The following RBMS3 variants were observed in gnomAD, a reference collection of about 807,000 sequenced individuals.
The protein encoded by RBMS3 is RNA binding motif single stranded interacting protein 3, also known as RNA-binding motif, single-stranded-interacting protein 3.
RBMS3 carries 27 observed loss-of-function variants against 66.8 expected under a neutral mutation model. That is an observed-to-expected ratio of 0.40 (90% confidence interval 0.30 to 0.56). The LOEUF is 0.56. RBMS3 is among the 20% of genes least tolerant of loss of function. The pLI is 0.40. For synonymous variants in RBMS3, 188 were observed against 183.0 expected, an observed-to-expected ratio of 1.03 and a Z score of -0.22; for missense variants, 513 against 549.5, an observed-to-expected ratio of 0.93 and a Z score of 0.66.
At chr3:29,776,011 ATAATT>A (rs992113102) in intron 6 of RBMS3, among the ~76,000 whole-genome samples, 16 of 152,020 alleles carry the variant, frequency 1.1e-4, no homozygotes, top group African/African-American at 3.9e-4. Context: ...AATAGATAAA[ATAATT>A]TAAGATAAAA....
At chr3:29,825,185 A>T (rs1231694322) in intron 6 of RBMS3, among the ~76,000 whole-genome samples, 1 of 151,594 alleles carries the variant, frequency 6.6e-6, no homozygotes, top group Non-Finnish European at 1.5e-5. Flanking sequence ...ACATGCACCC[A>T]CCACCACACC....
intron 13 of RBMS3, among the ~76,000 whole-genome samples, chr3:29,989,549 T>A (rs962636855): frequency 1.2e-4 from 19 of 152,178 alleles, no homozygotes; most frequent in African/African-American, 4.6e-4. Flanking sequence ...TCTCTGAGAT[T>A]GAGGGAAACC....
chr3:29,809,349 A>G (rs2057657373), intron 6 of RBMS3, among the ~76,000 whole-genome samples: 1 of 151,474 alleles, frequency 6.6e-6, no homozygotes. Context: ...AAAAAAAAAA[A>G]AAGATCCTGT....
intron 1 of RBMS3, among the ~76,000 whole-genome samples, chr3:29,320,396 G>A (rs2034935854): frequency 6.6e-6 from 1 of 151,894 alleles, no homozygotes; most frequent in South Asian, 2.1e-4. Flanking sequence ...GTGAATAAAG[G>A]AGCCATTGAC....
chr3:29,387,988 C>T (rs2039087172), intron 1 of RBMS3, among the ~76,000 whole-genome samples: 1 of 152,056 alleles, frequency 6.6e-6, no homozygotes, highest in African/African-American at 2.4e-5. Context: ...ACCACTCCCA[C>T]CCTCATTTAT....
At chr3:29,441,433 T>A (rs887423172) in intron 2 of RBMS3, among the ~76,000 whole-genome samples, 4 of 152,322 alleles carry the variant, frequency 2.6e-5, no homozygotes, top group South Asian at 2.1e-4. Flanking sequence ...ACTAAGTTTT[T>A]AAATTATTTA....
At chr3:29,494,744 T>C (rs989802841) in intron 3 of RBMS3, among the ~76,000 whole-genome samples, 4 of 152,168 alleles carry the variant, frequency 2.6e-5, no homozygotes, top group Non-Finnish European at 5.9e-5. Flanking sequence ...AATTCACTTG[T>C]CTATGCCTTC....
chr3:29,980,185 G>A (rs1204796309), intron 12 of RBMS3, among the ~76,000 whole-genome samples: 1 of 152,190 alleles, frequency 6.6e-6, no homozygotes, highest in African/African-American at 2.4e-5. Context: ...CTAATGATCA[G>A]TGATGATGAG....
intron 12 of RBMS3, among the ~76,000 whole-genome samples, chr3:29,971,116 A>T (rs1458142167): frequency 6.6e-6 from 1 of 152,064 alleles, no homozygotes; most frequent in Non-Finnish European, 1.5e-5. Context: ...TCTTTCTTAG[A>T]AAGACAAGAT....
chr3:29,762,787 A>T, intron 5 of RBMS3, 123 bp from the exon 6 acceptor site: 1 of 674,238 alleles, frequency 1.5e-6, no homozygotes, highest in Non-Finnish European at 2.6e-6. Context: ...TCATGAAAAA[A>T]GTTGGCAATT....
At chr3:29,577,673 C>T (rs1193155516) in intron 3 of RBMS3, among the ~76,000 whole-genome samples, 1 of 152,188 alleles carries the variant, frequency 6.6e-6, no homozygotes, top group East Asian at 1.9e-4. Context: ...CCCAGTATAG[C>T]TTTGCTCTCC....
intron 1 of RBMS3, among the ~76,000 whole-genome samples, chr3:29,378,671 T>C (rs2038611867): frequency 6.6e-6 from 1 of 152,148 alleles, no homozygotes; most frequent in Admixed American, 6.5e-5. Flanking sequence ...AGTGCATATG[T>C]TCAGATGATT....
chr3:29,975,557 C>G (rs1464008169), intron 12 of RBMS3, among the ~76,000 whole-genome samples: 2 of 151,796 alleles, frequency 1.3e-5, no homozygotes, highest in South Asian at 4.1e-4. Flanking sequence ...TTTACATCAA[C>G]TATATATATA....
At chr3:29,772,120 C>G (rs892033933) in intron 6 of RBMS3, among the ~76,000 whole-genome samples, 2 of 151,892 alleles carry the variant, frequency 1.3e-5, no homozygotes, top group Non-Finnish European at 2.9e-5. Flanking sequence ...ACATTGCCGG[C>G]CTTGAAGACA....
intron 4 of RBMS3, among the ~76,000 whole-genome samples, chr3:29,695,080 A>G (rs2052205920): frequency 6.6e-6 from 1 of 152,112 alleles, no homozygotes; most frequent in Non-Finnish European, 1.5e-5. Flanking sequence ...TTTTTAAACA[A>G]CACTTTTGCT....
At chr3:29,964,255 A>AATTTAGT (rs1448108245) in intron 12 of RBMS3, among the ~76,000 whole-genome samples, 1 of 152,198 alleles carries the variant, frequency 6.6e-6, no homozygotes, top group East Asian at 1.9e-4. Context: ...CACCATGTGA[A>AATTTAGT]ATTTAGTTTT....
chr3:29,802,469 T>C (rs1197478459), intron 6 of RBMS3, among the ~76,000 whole-genome samples: 1 of 152,206 alleles, frequency 6.6e-6, no homozygotes, highest in Non-Finnish European at 1.5e-5. Context: ...ATTGTTTTGA[T>C]AGTGGTGTTT....
chr3:29,900,383 A>T (rs909443258), intron 10 of RBMS3, among the ~76,000 whole-genome samples: 6 of 151,788 alleles, frequency 4.0e-5, no homozygotes, highest in Admixed American at 4.0e-4. Flanking sequence ...TCTGCAAAAT[A>T]TTCAAATTCT....
intron 3 of RBMS3, among the ~76,000 whole-genome samples, chr3:29,517,058 C>T (rs533653767): frequency 3.8e-4 from 58 of 151,542 alleles, no homozygotes; most frequent in Middle Eastern, 3.4e-3. Flanking sequence ...CTAAAAATAC[C>T]AAAAAATTAT....
Sources: gnomAD v4.1 joint callset for allele counts (sites outside exome capture counted in the v4.1 genomes callset) on GRCh38, gnomAD v4.1.1 for gene constraint, MANE v1.5 for transcripts, NCBI Gene and HGNC (gene_info 2026-07-23, HGNC 2026-07-21) for gene names.